Variants in FEM1A observed in about 807,000 individuals in gnomAD.
FEM1A encodes fem-1 homolog A, also known as protein fem-1 homolog A.
Under a neutral mutation model 0.7 loss-of-function variants are expected in FEM1A, and 1 was observed. The ratio of observed to expected loss-of-function variants is 1.35; its 90% CI spans 0.48 to 6.40. The LOEUF is 6.40. FEM1A is among the 30% of genes most tolerant of loss of function. The pLI is 0.14. For missense variants in FEM1A, 721 were observed against 918.7 expected, an observed-to-expected ratio of 0.78 and a Z score of 2.78; for synonymous variants, 391 against 420.6, an observed-to-expected ratio of 0.93 and a Z score of 0.86.
At position 4,793,530 on chromosome 19, in the gene FEM1A, C is replaced by A; in HGVS notation, c.1676C>A (p.Pro559His). Reference sequence around the variant, plus strand: ...GGCCGCTATCCCGTGGGCAGATTCCCCTCCCTGCACGTGGTCAAAGTGCTG... The same window carrying A: ...GGCCGCTATCCCGTGGGCAGATTCCACTCCCTGCACGTGGTCAAAGTGCTG... Reference protein sequence around the residue: ...NVGRYPVGRFPSLHVVKVLLD... With the variant: ...NVGRYPVGRFHSLHVVKVLLD... Residue 559 changes from proline to histidine, a missense_variant, in exon 1 of 1, where the codon CCC becomes CAC. This residue lies in a region of FEM1A where 379 missense variants were observed against 454.8 expected (regional missense o/e 0.83). Transcript: ENST00000269856. This position sits in a 1 kb window ranked among gnomAD's most constrained non-coding sequence, Gnocchi z 5.1. The A allele has an allele frequency of 6.2e-7, 1 of 1,613,110 alleles. No homozygotes were observed. Among genetic ancestry groups the A allele is most frequent in the Non-Finnish European group, 8.5e-7 (1 of 1,179,860 alleles).
chr19:4,793,878 C>G lies in FEM1A; in HGVS notation c.*14C>G. ...GAACTGCACTGACCTGCCCAGAACG[C>G]CTGCACCCTCACCTCTCCCCTCTCC... On this transcript the variant is annotated 3_prime_UTR_variant, in exon 1 of 1. Coordinates refer to ENST00000269856, the MANE Select transcript of FEM1A (RefSeq NM_018708.3). This position sits in a 1 kb window ranked among gnomAD's most constrained non-coding sequence, Gnocchi z 5.1. The G allele has an allele frequency of 6.3e-7, 1 of 1,584,106 alleles. No homozygotes were observed. The highest frequency in any genetic ancestry group is 8.6e-7 in the Non-Finnish European group (1 of 1,166,506).
In FEM1A at chr19:4,796,078, A is replaced by C. The variant is rs1393160817; in HGVS notation, c.*2214A>C. Reference sequence around the variant, plus strand: ...CTTTGAAAAAAAGCCTGGGCAACATAGTGAGAGCCTGTCTTTACAAAAATA... The same window carrying C: ...CTTTGAAAAAAAGCCTGGGCAACATCGTGAGAGCCTGTCTTTACAAAAATA... On this transcript the variant is annotated 3_prime_UTR_variant, in exon 1 of 1. Transcript: ENST00000269856. 6.6e-6 allele frequency: 1 copy of C among 152,166 alleles called. No homozygotes were observed. The highest frequency in any genetic ancestry group is 1.5e-5 in the Non-Finnish European group (1 of 68,038). 9.4% of individuals were successfully genotyped at this position (152,166 alleles called of 1,614,324 possible). A position where few individuals can be genotyped will look rare whatever the true frequency, so the allele number is the denominator to read the frequency against.
chr19:4,798,572 T>C lies in FEM1A; in HGVS notation c.*4708T>C, dbSNP rs1484868670. 1 of 148,220 alleles carries C rather than the reference T, an allele frequency of 6.7e-6. No individual in the cohort carries two copies. Among genetic ancestry groups the C allele is most frequent in the Non-Finnish European group, 1.5e-5 (1 of 67,640 alleles). 9.2% of individuals were successfully genotyped at this position (148,220 alleles called of 1,614,324 possible). ...TTGCAGTGAGCCGAGATCGCACCAC[T>C]GCACTCCAGCCTGGGCGACAGAGCA... is the stretch of plus-strand genomic sequence containing the variant. On this transcript the variant is annotated 3_prime_UTR_variant, in exon 1 of 1. Coordinates refer to ENST00000269856, the MANE Select transcript of FEM1A (RefSeq NM_018708.3).
rs1305283094 is a variant in FEM1A at position 4,798,763 on chromosome 19, T to G, written c.*4899T>G. 1.3e-5 allele frequency: 2 copies of G among 152,152 alleles called. No individual in the cohort carries two copies. Among genetic ancestry groups the G allele is most frequent in the Admixed American group, 1.3e-4 (2 of 15,244 alleles). 9.4% of individuals were successfully genotyped at this position (152,152 alleles called of 1,614,324 possible). On this transcript the variant is annotated 3_prime_UTR_variant, in exon 1 of 1. Coordinates refer to ENST00000269856, the MANE Select transcript of FEM1A (RefSeq NM_018708.3). Reference sequence around the variant, plus strand: ...GATCCCTTTCCCCTGCTTTCTGGTGTTGTTTTGGCACAAGCTCTCCCATCC... The same window carrying G: ...GATCCCTTTCCCCTGCTTTCTGGTGGTGTTTTGGCACAAGCTCTCCCATCC...
rs888442534 is a variant in FEM1A, at chr19:4,799,240, C to T, written c.*5376C>T. Reference sequence around the variant, plus strand: ...CCAGCCTGGTCAACATGGTGAAACCCTATCTATTCTAAAAATACAAAAAAT... The same window carrying T: ...CCAGCCTGGTCAACATGGTGAAACCTTATCTATTCTAAAAATACAAAAAAT... On this transcript the variant is annotated 3_prime_UTR_variant, in exon 1 of 1. Coordinates refer to ENST00000269856, the MANE Select transcript of FEM1A (RefSeq NM_018708.3). 1 of 151,948 alleles carries T rather than the reference C, an allele frequency of 6.6e-6. No homozygotes were observed. Among genetic ancestry groups the T allele is most frequent in the Non-Finnish European group, 1.5e-5 (1 of 68,002 alleles). The allele number at this position is 151,948 out of a possible 1,614,324, so 9.4% of individuals were successfully genotyped here.
chr19:4,797,827 A>G lies in FEM1A; in HGVS notation c.*3963A>G, dbSNP rs1269474792. On this transcript the variant is annotated 3_prime_UTR_variant, in exon 1 of 1. Transcript: ENST00000269856. ...GTAGTGATATGTAGTCCCAGCTGCTACTGGGGAGGCTGAAGCAGGAGGATT... is the reference window on the plus strand; with the variant it reads ...GTAGTGATATGTAGTCCCAGCTGCTGCTGGGGAGGCTGAAGCAGGAGGATT... 4 of 150,636 alleles carry G rather than the reference A, an allele frequency of 2.7e-5. No homozygotes were observed. The highest frequency in any genetic ancestry group is 4.4e-5 in the Non-Finnish European group (3 of 67,928). 9.3% of individuals were successfully genotyped at this position (150,636 alleles called of 1,614,324 possible). A position where few individuals can be genotyped will look rare whatever the true frequency, so the allele number is the denominator to read the frequency against.
At position 4,801,180 on chromosome 19, in the gene FEM1A, A is replaced by G. The variant is rs1309168387; in HGVS notation, c.*7316A>G. On this transcript the variant is annotated 3_prime_UTR_variant, in exon 1 of 1. Coordinates refer to ENST00000269856, the MANE Select transcript of FEM1A (RefSeq NM_018708.3). Reference sequence around the variant, plus strand: ...TGTGTTTGAATGTCTGTTAATAGACATGATTTAATTATTGATATTAATTCA... The same window carrying G: ...TGTGTTTGAATGTCTGTTAATAGACGTGATTTAATTATTGATATTAATTCA... The G allele has an allele frequency of 3.9e-5, 6 of 152,226 alleles. No individual in the cohort carries two copies. The highest frequency in any genetic ancestry group is 3.9e-4 in the Admixed American group (6 of 15,278). 9.4% of individuals were successfully genotyped at this position (152,226 alleles called of 1,614,324 possible).
At position 4,792,233 on chromosome 19, in the gene FEM1A, G is replaced by A; in HGVS notation, c.379G>A (p.Gly127Ser). The A allele has an allele frequency of 6.6e-7, 1 of 1,512,666 alleles. No homozygotes were observed. The highest frequency in any genetic ancestry group is 2.0e-5 in the Admixed American group (1 of 49,132). 93.7% of individuals were successfully genotyped at this position (1,512,666 alleles called of 1,614,324 possible). ...STPLRAACFDGHLEVVRYLVG... is the reference protein window; with the variant it reads ...STPLRAACFDSHLEVVRYLVG... The stretch of plus-strand genomic sequence containing the variant: ...GCCTCTCCGCGCCGCCTGCTTCGAC[G>A]GCCACCTGGAGGTGGTGCGCTACCT... Residue 127 changes from glycine (G) to serine (S), a missense_variant, in exon 1 of 1, where the codon GGC (glycine) becomes AGC (serine). Coordinates refer to ENST00000269856, the MANE Select transcript of FEM1A (RefSeq NM_018708.3). The surrounding 1 kb of genome is among the most constrained non-coding windows in gnomAD (Gnocchi z 6.7).
At position 4,800,510 on chromosome 19, in the gene FEM1A, A is replaced by C. The variant is rs1327217168; in HGVS notation, c.*6646A>C. On this transcript the variant is annotated 3_prime_UTR_variant, in exon 1 of 1. Coordinates refer to ENST00000269856, the MANE Select transcript of FEM1A (RefSeq NM_018708.3). ...CGCTCATCTACTCAGTGACTTTCTT[A>C]GACCCTCCCCAGCACTTTGAGGGTG... 6.6e-6 allele frequency: 1 copy of C among 152,294 alleles called. No homozygotes were observed. Among genetic ancestry groups the C allele is most frequent in the Non-Finnish European group, 1.5e-5 (1 of 68,092 alleles). The allele number at this position is 152,294 out of a possible 1,614,324, so 9.4% of individuals were successfully genotyped here. A position where few individuals can be genotyped will look rare whatever the true frequency, so the allele number is the denominator to read the frequency against.
Position 4,792,603 on chromosome 19 carries a change from A to G in FEM1A, c.749A>G (p.Gln250Arg). ...GAGCAGGTCGCAGGGGGAGAGGCTCAGCCTGGGCTGCCCCAAGAAGACCCC... is the reference window on the plus strand; with the variant it reads ...GAGCAGGTCGCAGGGGGAGAGGCTCGGCCTGGGCTGCCCCAAGAAGACCCC... ...GQEQVAGGEA[Q>R]PGLPQEDPST... Residue 250 changes from glutamine (Q) to arginine (R), a missense_variant, in exon 1 of 1, where the codon CAG (glutamine) becomes CGG (arginine). This residue lies in a region of FEM1A where 137 missense variants were observed against 121.7 expected (regional missense o/e 1.13). Coordinates refer to ENST00000269856, the MANE Select transcript of FEM1A (RefSeq NM_018708.3). This position sits in a 1 kb window ranked among gnomAD's most constrained non-coding sequence, Gnocchi z 6.7. 3.1e-6 allele frequency: 5 copies of G among 1,611,030 alleles called. No individual in the cohort carries two copies. The highest frequency in any genetic ancestry group is 4.2e-6 in the Non-Finnish European group (5 of 1,179,716).
chr19:4,793,335 C>A lies in FEM1A; in HGVS notation c.1481C>A (p.Ala494Glu). ...GGAGACTCAGCCCAGTTCACCAAGG[C>A]GCTGGCCATCATCCTCCACCTGCTC... is the stretch of plus-strand genomic sequence containing the variant. The part of the protein sequence containing the change: ...EPGDSAQFTK[A>E]LAIILHLLYL... Residue 494 changes from alanine (A) to glutamate (E), a missense_variant, in exon 1 of 1, where the codon GCG (alanine) becomes GAG (glutamate). By Grantham distance (107) the Ala-to-Glu change is moderately radical (BLOSUM62 -1). Transcript: ENST00000269856. This position sits in a 1 kb window ranked among gnomAD's most constrained non-coding sequence, Gnocchi z 5.1. 6.2e-7 allele frequency: 1 copy of A among 1,612,554 alleles called. No homozygotes were observed.
chr19:4,792,773 A>G lies in FEM1A; in HGVS notation c.919A>G (p.Thr307Ala), dbSNP rs2093556126. The G allele has an allele frequency of 8.1e-6, 13 of 1,611,970 alleles. No homozygotes were observed. Among genetic ancestry groups the G allele is most frequent in the Non-Finnish European group, 1.0e-5 (12 of 1,179,944 alleles). ...AVEALELLGA[T>A]YVDKKRDLLG... is the part of the protein sequence containing the mutation. ...GGAAGCCTTGGAATTGCTGGGAGCT[A>G]CGTATGTGGATAAGAAACGAGATCT... is the stretch of plus-strand genomic sequence containing the variant. The change falls in exon 1 of 1, where the codon ACG becomes GCG. Residue 307 changes from threonine to alanine, a missense_variant. Physicochemically the swap from Thr to Ala is moderately conservative, Grantham distance 58 (BLOSUM62 0). This residue lies in a region of FEM1A where 137 missense variants were observed against 121.7 expected (regional missense o/e 1.13). Coordinates refer to ENST00000269856, the MANE Select transcript of FEM1A (RefSeq NM_018708.3). The surrounding 1 kb of genome is among the most constrained non-coding windows in gnomAD (Gnocchi z 6.7).
rs1243108772 is a variant in FEM1A, at chr19:4,793,885, C to T, written c.*21C>T. 6.3e-7 allele frequency: 1 copy of T among 1,575,850 alleles called. No individual in the cohort carries two copies. The highest frequency in any genetic ancestry group is 2.3e-5 in the East Asian group (1 of 42,576). On this transcript the variant is annotated 3_prime_UTR_variant, in exon 1 of 1. Coordinates refer to ENST00000269856, the MANE Select transcript of FEM1A (RefSeq NM_018708.3). The surrounding 1 kb of genome is among the most constrained non-coding windows in gnomAD (Gnocchi z 5.1). ...ACTGACCTGCCCAGAACGCCTGCAC[C>T]CTCACCTCTCCCCTCTCCTGCTGAG...
rs1351560299 is a variant in FEM1A at position 4,792,476 on chromosome 19, C to T, written c.622C>T (p.Arg208Cys). 2 of 1,597,182 alleles carry T rather than the reference C, an allele frequency of 1.3e-6. No individual in the cohort carries two copies. Among genetic ancestry groups the T allele is most frequent in the African/African-American group, 2.7e-5 (2 of 74,884 alleles). The part of the protein sequence containing the change: ...ILQLLLGCKA[R>C]MERDGYGMTP... ...GCAGCTGCTGCTGGGGTGCAAGGCC[C>T]GCATGGAACGTGACGGCTACGGCAT... Residue 208 changes from arginine to cysteine, a missense_variant, in exon 1 of 1, where the codon CGC becomes TGC. By Grantham distance (180) the Arg-to-Cys change is radical. Around this residue, in one of 4 missense-constraint regions of FEM1A, gnomAD observed 195 missense variants for 316.9 expected, o/e 0.62. Transcript: ENST00000269856. The surrounding 1 kb of genome is among the most constrained non-coding windows in gnomAD (Gnocchi z 6.7).
rs188371245 is a variant in FEM1A at position 4,796,064 on chromosome 19, A to C, written c.*2200A>C. The C allele has an allele frequency of 2.0e-5, 3 of 152,260 alleles. No homozygotes were observed. The East Asian group carries it at 5.8e-4, about 29-fold the overall frequency. 9.4% of individuals were successfully genotyped at this position (152,260 alleles called of 1,614,324 possible). A position where few individuals can be genotyped will look rare whatever the true frequency, so the allele number is the denominator to read the frequency against. On this transcript the variant is annotated 3_prime_UTR_variant, in exon 1 of 1. Coordinates refer to ENST00000269856, the MANE Select transcript of FEM1A (RefSeq NM_018708.3). Reference sequence around the variant, plus strand: ...AACAGTATGTTGCTCTTTGAAAAAAAGCCTGGGCAACATAGTGAGAGCCTG... The same window carrying C: ...AACAGTATGTTGCTCTTTGAAAAAACGCCTGGGCAACATAGTGAGAGCCTG...
Position 4,792,350 on chromosome 19 carries a change from G to A in FEM1A, c.496G>A (p.Ala166Thr), listed in dbSNP as rs1332948392. The A allele has an allele frequency of 1.9e-6, 3 of 1,594,526 alleles. No individual in the cohort carries two copies. The highest frequency in any genetic ancestry group is 2.5e-6 in the Non-Finnish European group (3 of 1,178,878). The change falls in exon 1 of 1, where the codon GCC (alanine) becomes ACC (threonine). Residue 166 changes from alanine (A) to threonine (T), a missense_variant. Ala to Thr is a moderately conservative substitution (Grantham distance 58). Around this residue, in one of 4 missense-constraint regions of FEM1A, gnomAD observed 195 missense variants for 316.9 expected, o/e 0.62. Coordinates refer to ENST00000269856, the MANE Select transcript of FEM1A (RefSeq NM_018708.3). This position sits in a 1 kb window ranked among gnomAD's most constrained non-coding sequence, Gnocchi z 6.7. ...ISCYKGHREI[A>T]RYLLEQGAQV... ...GTGCTACAAGGGCCACCGTGAGATC[G>A]CCCGCTACCTGCTGGAGCAGGGCGC...
rs2146153099 is a variant in FEM1A, at chr19:4,797,781, A to C, written c.*3917A>C. On this transcript the variant is annotated 3_prime_UTR_variant, in exon 1 of 1. Coordinates refer to ENST00000269856, the MANE Select transcript of FEM1A (RefSeq NM_018708.3). ...AGATCCTGTCTCTACAAAAAAAAAAAAAAAAAAAAATTAGCCATGTGTAGT... is the reference window on the plus strand; with the variant it reads ...AGATCCTGTCTCTACAAAAAAAAAACAAAAAAAAAATTAGCCATGTGTAGT... The C allele has an allele frequency of 6.8e-6, 1 of 147,948 alleles. No individual in the cohort carries two copies. Among genetic ancestry groups the C allele is most frequent in the East Asian group, 2.0e-4 (1 of 5,086 alleles). The allele number at this position is 147,948 out of a possible 1,614,324, so 9.2% of individuals were successfully genotyped here.
At position 4,794,114 on chromosome 19, in the gene FEM1A, G is replaced by C; in HGVS notation, c.*250G>C. The C allele has an allele frequency of 1.9e-6, 1 of 514,060 alleles. No individual in the cohort carries two copies. Among genetic ancestry groups the C allele is most frequent in the Non-Finnish European group, 3.6e-6 (1 of 277,086 alleles). The allele number at this position is 514,060 out of a possible 1,614,324, so 31.8% of individuals were successfully genotyped here. ...AGCCCGCTCACTCATTCTGAGTTAG[G>C]AAAAGACACAAGACCTTCCCCACAT... On this transcript the variant is annotated 3_prime_UTR_variant, in exon 1 of 1. Coordinates refer to ENST00000269856, the MANE Select transcript of FEM1A (RefSeq NM_018708.3).
In FEM1A at chr19:4,791,830, C is replaced by T. The variant is rs1027863306; in HGVS notation, c.-25C>T. Reference sequence around the variant, plus strand: ...GTCTCCCCGTCCCCCGGCGGCCGGCCCATGGCCTGGCGGAGGCCCGAACCA... The same window carrying T: ...GTCTCCCCGTCCCCCGGCGGCCGGCTCATGGCCTGGCGGAGGCCCGAACCA... On this transcript the variant is annotated 5_prime_UTR_variant, in exon 1 of 1. Transcript: ENST00000269856. 2.0e-6 allele frequency: 3 copies of T among 1,477,572 alleles called. No individual in the cohort carries two copies. The African/African-American group carries it at 4.4e-5, about 22-fold the overall frequency. The allele number at this position is 1,477,572 out of a possible 1,614,324, so 91.5% of individuals were successfully genotyped here. A position where few individuals can be genotyped will look rare whatever the true frequency, so the allele number is the denominator to read the frequency against.
Sources: allele counts gnomAD v4.1 joint callset, GRCh38; gene constraint gnomAD v4.1.1; regional missense constraint gnomAD v4.1.1; non-coding constraint Gnocchi (gnomAD v3.1); transcripts MANE v1.5; gene names NCBI Gene and HGNC (gene_info 2026-07-23, HGNC 2026-07-21).